Variants in SFMBT2 observed in about 807,000 individuals in gnomAD.
SFMBT2 encodes Scm like with four mbt domains 2.
Under a neutral mutation model 110.1 loss-of-function variants are expected in SFMBT2, and 38 were observed. That is an observed-to-expected ratio of 0.35 (90% CI 0.27 to 0.45). SFMBT2 has a LOEUF of 0.45. SFMBT2 is among the 20% of genes least tolerant of loss of function. The probability of loss-of-function intolerance (pLI) is 1.00; values close to 1 mark genes in which losing one functional copy is unlikely to be tolerated. For missense variants in SFMBT2, 1,011 were observed against 1,094.9 expected, an observed-to-expected ratio of 0.92 and a Z score of 1.08; for synonymous variants, 425 against 425.4, an observed-to-expected ratio of 1.00 and a Z score of 0.01.
At chr10:7,268,550 G>A (rs1295134202) in intron 7 of SFMBT2, among the ~76,000 whole-genome samples, 3 of 151,376 alleles carry the variant, frequency 2.0e-5, no homozygotes, top group Admixed American at 6.6e-5. Context: ...TCGCTCTGTC[G>A]CCCAGGCTGG....
chr10:7,347,195 T>G (rs1844144670), intron 4 of SFMBT2, among the ~76,000 whole-genome samples: 1 of 152,144 alleles, frequency 6.6e-6, no homozygotes, highest in Non-Finnish European at 1.5e-5. Context: ...AGGTAGGGCC[T>G]GGTGGAATCC....
intron 4 of SFMBT2, among the ~76,000 whole-genome samples, chr10:7,306,618 C>T (rs1224613877): frequency 1.3e-5 from 2 of 151,724 alleles, no homozygotes; most frequent in East Asian, 3.9e-4. Context: ...CAGATAATAT[C>T]TATAATTCAT....
intron 4 of SFMBT2, among the ~76,000 whole-genome samples, chr10:7,356,446 C>G (rs912544213): frequency 6.6e-6 from 1 of 152,148 alleles, no homozygotes; most frequent in African/African-American, 2.4e-5. Context: ...GATGGAGTCT[C>G]GCTCCCTCAC....
intron 11 of SFMBT2, among the ~76,000 whole-genome samples, chr10:7,213,609 G>T (rs1564387052): frequency 1.3e-5 from 2 of 152,214 alleles, no homozygotes. Context: ...CGGTTCTGCT[G>T]GTGAGTTCTG....
chr10:7,230,782 A>C (rs555274677), intron 9 of SFMBT2, among the ~76,000 whole-genome samples: 1 of 152,000 alleles, frequency 6.6e-6, no homozygotes, highest in Non-Finnish European at 1.5e-5. Flanking sequence ...CAAATACAAA[A>C]ATTAGGCGGG....
intron 11 of SFMBT2, among the ~76,000 whole-genome samples, chr10:7,212,610 A>G (rs1391830434): frequency 6.6e-6 from 1 of 152,228 alleles, no homozygotes; most frequent in Non-Finnish European, 1.5e-5. Flanking sequence ...ACGTGCTAAC[A>G]TGACTCTTAC....
At chr10:7,315,057 AAAG>A (rs1842962430) in intron 4 of SFMBT2, among the ~76,000 whole-genome samples, 1 of 135,590 alleles carries the variant, frequency 7.4e-6, no homozygotes, top group African/African-American at 2.7e-5. Flanking sequence ...AGAAAGAAAG[AAAG>A]AAAGAAAGAA....
At chr10:7,260,575 C>T (rs1588393448) in intron 7 of SFMBT2, among the ~76,000 whole-genome samples, 1 of 152,260 alleles carries the variant, frequency 6.6e-6, no homozygotes, top group African/African-American at 2.4e-5. Flanking sequence ...AGCAGATGTC[C>T]TCATTTATTA....
chr10:7,263,271 C>T (rs530199813), intron 7 of SFMBT2, among the ~76,000 whole-genome samples: 3 of 151,678 alleles, frequency 2.0e-5, no homozygotes, highest in Non-Finnish European at 4.4e-5. Context: ...GACAGAGTTT[C>T]TCCCTCGTCG....
At position 7,269,018 on chromosome 10, in the gene SFMBT2, T is replaced by C. The variant is rs563734453; in HGVS notation, c.870+7874A>G. ...ATATGGATAGTTTTGGCAAATCTTT[T>C]AGGCCTCTAAATAACAGGGTTCGTC... On this transcript the variant is annotated intron_variant, in intron 7 of 20. Coordinates refer to ENST00000397167, the MANE Select transcript of SFMBT2 (RefSeq NM_001387889.1). Among the ~76,000 whole-genome samples the C allele has an allele frequency of 8.0e-5, 12 of 149,548 alleles. No homozygotes were observed. The South Asian group carries it at 2.4e-3, about 30-fold the overall frequency.
chr10:7,319,966 T>G (rs567244012), intron 4 of SFMBT2, among the ~76,000 whole-genome samples: 279 of 93,296 alleles, frequency 3.0e-3, no homozygotes, highest in Middle Eastern at 8.2e-3. Context: ...CAGAGAGAGA[T>G]GAAGACAGAG....
At chr10:7,299,694 A>G (rs904014452) in intron 4 of SFMBT2, among the ~76,000 whole-genome samples, 1 of 152,188 alleles carries the variant, frequency 6.6e-6, no homozygotes, top group South Asian at 2.1e-4. Context: ...AAAGATCTAG[A>G]ACCAGAAATA....
intron 11 of SFMBT2, chr10:7,214,469 G>A (rs1453700585): frequency 1.3e-6 from 1 of 747,260 alleles, no homozygotes; most frequent in South Asian, 6.1e-5. Flanking sequence ...CAATTGCAGA[G>A]TGACGCATTT....
intron 9 of SFMBT2, among the ~76,000 whole-genome samples, chr10:7,229,147 T>C (rs887553991): frequency 6.6e-6 from 1 of 152,100 alleles, no homozygotes; most frequent in Non-Finnish European, 1.5e-5. Context: ...CTCTAAGAGA[T>C]TTCTTATGTT....
intron 9 of SFMBT2, among the ~76,000 whole-genome samples, chr10:7,230,895 G>A (rs1444805228): frequency 6.6e-6 from 1 of 152,120 alleles, no homozygotes; most frequent in African/African-American, 2.4e-5. Context: ...TCACACCACT[G>A]CACTCCAGCC....
At chr10:7,262,259 G>A in intron 7 of SFMBT2, among the ~76,000 whole-genome samples, 1 of 152,096 alleles carries the variant, frequency 6.6e-6, no homozygotes, top group East Asian at 1.9e-4. Flanking sequence ...GGATGGGGGA[G>A]CCACCTCCAA....
At chr10:7,242,273 A>T (rs1840455242) in intron 9 of SFMBT2, among the ~76,000 whole-genome samples, 1 of 152,106 alleles carries the variant, frequency 6.6e-6, no homozygotes, top group Non-Finnish European at 1.5e-5. Flanking sequence ...AGTCTTGAAA[A>T]CTGAAGCAGT....
intron 1 of SFMBT2, among the ~76,000 whole-genome samples, chr10:7,389,567 C>T (rs1215767835): frequency 2.0e-5 from 3 of 152,168 alleles, no homozygotes; most frequent in Non-Finnish European, 2.9e-5. Flanking sequence ...CTATAATAGG[C>T]TCCTTTTGTC....
intron 8 of SFMBT2, chr10:7,244,032 C>T: frequency 1.2e-6 from 1 of 860,940 alleles, no homozygotes; most frequent in Non-Finnish European, 1.4e-6. Context: ...CAAACCCCAG[C>T]TTAGATGACA....
Sources: gnomAD v4.1 joint callset for allele counts (sites outside exome capture counted in the v4.1 genomes callset) on GRCh38, gnomAD v4.1.1 for gene constraint, MANE v1.5 for transcripts, NCBI Gene and HGNC (gene_info 2026-07-23, HGNC 2026-07-21) for gene names.